FSIP2: variants seen among roughly 807,000 people sequenced by gnomAD.
FSIP2 encodes fibrous sheath interacting protein 2, also known as fibrous sheath-interacting protein 2.
FSIP2 carries 367 observed loss-of-function variants against 510.5 expected under a neutral mutation model. The observed-to-expected ratio is 0.72, with a 90% CI of 0.66 to 0.78. FSIP2 has a LOEUF of 0.78. FSIP2 is among the 30% of genes least tolerant of loss of function. The pLI is 0.00. For missense variants in FSIP2, 7,594 were observed against 7,901.7 expected, an observed-to-expected ratio of 0.96 and a Z score of 1.48; for synonymous variants, 2,601 against 2,732.2, an observed-to-expected ratio of 0.95 and a Z score of 1.50.
At position 185,795,903 on chromosome 2, in the gene FSIP2, A is replaced by T. The variant is rs1559029564; in HGVS notation, c.8767A>T (p.Met2923Leu). 6.5e-7 allele frequency: 1 copy of T among 1,533,832 alleles called. No homozygotes were observed. The change falls in exon 16 of 23, where the codon ATG becomes TTG. Residue 2923 changes from methionine to leucine, a missense_variant. Coordinates refer to ENST00000424728, the MANE Select transcript of FSIP2 (RefSeq NM_173651.4). ...TATGTTTGGAAGGGAAATTGTTGAA[A>T]TGCTACTTGAAAAACTACAGCTATG... ...INMFGREIVEMLLEKLQLCFL... is the reference protein window; with the variant it reads ...INMFGREIVELLLEKLQLCFL...
Position 185,805,864 on chromosome 2 carries a change from G to A in FSIP2, c.16558G>A (p.Val5520Met). The A allele has an allele frequency of 2.5e-6, 4 of 1,608,718 alleles. No individual in the cohort carries two copies. The highest frequency in any genetic ancestry group is 3.4e-6 in the Non-Finnish European group (4 of 1,177,766). Residue 5520 changes from valine (V) to methionine (M), a missense_variant, in exon 17 of 23, where the codon GTG becomes ATG. Val to Met is a conservative substitution (Grantham distance 21). Transcript: ENST00000424728. ...LATGVTNKKE[V>M]DENKVGICTQ... ...TACAGGTGTGACAAATAAAAAGGAA[G>A]TGGATGAAAATAAAGTGGGAATTTG...
Position 185,806,955 on chromosome 2 carries a change from G to C in FSIP2, c.17649G>C (p.Lys5883Asn). 1 of 1,611,256 alleles carries C rather than the reference G, an allele frequency of 6.2e-7. No homozygotes were observed. The change falls in exon 17 of 23, where the codon AAG (lysine) becomes AAC (asparagine). Residue 5883 changes from lysine to asparagine, a missense_variant. Transcript: ENST00000424728. ...PTTDEAPSSI[K>N]IKSADKMPPM... is the part of the protein sequence containing the mutation. ...CAGATGAAGCACCATCCAGCATTAA[G>C]ATAAAATCTGCAGATAAAATGCCAC...
At chr2:185,752,022 T>C (rs556533354) in intron 7 of FSIP2, among the ~76,000 whole-genome samples, 5 of 151,466 alleles carry the variant, frequency 3.3e-5, no homozygotes, top group African/African-American at 1.2e-4. Context: ...AAATTTTTTA[T>C]GCTCTTCATT....
intron 12 of FSIP2, 81 bp from the exon 13 acceptor site, chr2:185,764,421 A>G (rs995398902): frequency 6.9e-6 from 5 of 721,042 alleles, no homozygotes; most frequent in African/African-American, 1.8e-5. Context: ...CTGTACTATA[A>G]ATATAGAAAT....
chr2:185,802,783 A>G lies in FSIP2; in HGVS notation c.13477A>G (p.Thr4493Ala). 1 of 1,520,080 alleles carries G rather than the reference A, an allele frequency of 6.6e-7. No individual in the cohort carries two copies. Among genetic ancestry groups the G allele is most frequent in the Non-Finnish European group, 8.8e-7 (1 of 1,140,546 alleles). The allele number at this position is 1,520,080 out of a possible 1,614,324, so 94.2% of individuals were successfully genotyped here. A position where few individuals can be genotyped will look rare whatever the true frequency, so the allele number is the denominator to read the frequency against. The change falls in exon 17 of 23, where the codon ACC becomes GCC. Residue 4493 changes from threonine to alanine, a missense_variant. Coordinates refer to ENST00000424728, the MANE Select transcript of FSIP2 (RefSeq NM_173651.4). The stretch of plus-strand genomic sequence containing the variant: ...ATCTAGCCTGGTTCTAAACAGAGAC[A>G]CCCAAAAAGATATATCAAGAGTGAA... The part of the protein sequence containing the change: ...SASSLVLNRD[T>A]QKDISRVNFN...
intron 17 of FSIP2, among the ~76,000 whole-genome samples, chr2:185,813,283 T>G (rs1430145994): frequency 6.6e-6 from 1 of 152,028 alleles, no homozygotes; most frequent in Non-Finnish European, 1.5e-5. Flanking sequence ...AAATTAATTA[T>G]GCTAAACCTT....
At chr2:185,797,780 C>G in intron 16 of FSIP2, 1 of 374,422 alleles carries the variant, frequency 2.7e-6, no homozygotes, top group Non-Finnish European at 4.9e-6. Context: ...CCTTGAACTC[C>G]TGGACTGAAG....
In FSIP2 at chr2:185,794,590, T is replaced by A. The variant is rs1693221946; in HGVS notation, c.7454T>A (p.Ile2485Asn). 2 of 1,531,882 alleles carry A rather than the reference T, an allele frequency of 1.3e-6. No homozygotes were observed. The highest frequency in any genetic ancestry group is 2.4e-5 in the South Asian group (2 of 83,362). 94.9% of individuals were successfully genotyped at this position (1,531,882 alleles called of 1,614,324 possible). A position where few individuals can be genotyped will look rare whatever the true frequency, so the allele number is the denominator to read the frequency against. The stretch of plus-strand genomic sequence containing the variant: ...AACAAAGAAAAAGGTGAACTGCTCA[T>A]TGCAGTGGAAGAACTTTTGAATAAG... ...SKNKEKGELLIAVEELLNKLY... is the reference protein window; with the variant it reads ...SKNKEKGELLNAVEELLNKLY... Residue 2485 changes from isoleucine to asparagine, a missense_variant, in exon 16 of 23, where the codon ATT (isoleucine) becomes AAT (asparagine). Ile to Asn is a moderately radical substitution (Grantham distance 149). Transcript: ENST00000424728.
At position 185,752,924 on chromosome 2, in the gene FSIP2, T is replaced by G. The variant is rs900589921; in HGVS notation, c.871-798T>G. On this transcript the variant is annotated intron_variant, in intron 7 of 22. Coordinates refer to ENST00000424728, the MANE Select transcript of FSIP2 (RefSeq NM_173651.4). ...ATCTTCTTATAAATATTATTTAGCT[T>G]TTTTGATGTAGATAATTTATTTGGA... is the stretch of plus-strand genomic sequence containing the variant. Among the ~76,000 whole-genome samples the G allele has an allele frequency of 3.3e-5, 5 of 151,524 alleles. No homozygotes were observed. In the South Asian group the frequency reaches 1.0e-3, roughly 31 times the overall value.
intron 13 of FSIP2, among the ~76,000 whole-genome samples, chr2:185,778,760 G>A (rs1178552753): frequency 6.6e-6 from 1 of 151,898 alleles, no homozygotes; most frequent in African/African-American, 2.4e-5. Flanking sequence ...AATCAAGACG[G>A]TGAATTGTGT....
chr2:185,747,236 C>A, intron 6 of FSIP2, 77 bp from the exon 7 acceptor site: 2 of 815,466 alleles, frequency 2.5e-6, no homozygotes, highest in South Asian at 1.6e-5. Flanking sequence ...GTTTAATATA[C>A]TTTTTGGTGG....
chr2:185,795,917 A>G lies in FSIP2; in HGVS notation c.8781A>G (p.Lys2927=), dbSNP rs1389645740. The G allele has an allele frequency of 2.6e-6, 4 of 1,534,248 alleles. No homozygotes were observed. The highest frequency in any genetic ancestry group is 3.5e-6 in the Non-Finnish European group (4 of 1,145,800). Residue 2927 remains lysine, a synonymous_variant, in exon 16 of 23, where the codon AAA becomes AAG. Coordinates refer to ENST00000424728, the MANE Select transcript of FSIP2 (RefSeq NM_173651.4). ...AAATTGTTGAAATGCTACTTGAAAAACTACAGCTATGCTTTCTGTCCCAAA... is the reference window on the plus strand; with the variant it reads ...AAATTGTTGAAATGCTACTTGAAAAGCTACAGCTATGCTTTCTGTCCCAAA... ...GREIVEMLLE[K]LQLCFLSQIP...
chr2:185,751,461 C>CTCTGTGTGTGTG lies in FSIP2; in HGVS notation c.871-2260_871-2259insCTGTGTGTGTGT, dbSNP rs368632994. On this transcript the variant is annotated intron_variant, in intron 7 of 22. Coordinates refer to ENST00000424728, the MANE Select transcript of FSIP2 (RefSeq NM_173651.4). ...AGACCAAATTTGGGTCTTTATTTTT[C>CTCTGTGTGTGTG]TGTGTGTGTGTGTGTGTGTGTGTGT... 5.4e-3 allele frequency among the ~76,000 whole-genome samples: 731 copies of CTCTGTGTGTGTG among 135,870 alleles called. 3 individuals are homozygous for CTCTGTGTGTGTG. Among genetic ancestry groups the CTCTGTGTGTGTG allele is most frequent in the Admixed American group, 7.3e-3 (96 of 13,226 alleles). The allele number at this position is 135,870 out of a possible 152,430, so 89.1% of individuals were successfully genotyped here. A position where few individuals can be genotyped will look rare whatever the true frequency, so the allele number is the denominator to read the frequency against.
intron 18 of FSIP2, 62 bp from the exon 19 acceptor site, chr2:185,815,309 A>G (rs1028482119): frequency 5.1e-6 from 4 of 784,352 alleles, no homozygotes; most frequent in African/African-American, 3.6e-5. Flanking sequence ...AAAAAATGCC[A>G]TAAGGTAAGA....
In FSIP2 at chr2:185,833,101, C is replaced by T. The variant is rs755898632; in HGVS notation, c.20599C>T (p.Pro6867Ser). Residue 6867 changes from proline to serine, a missense_variant, in exon 23 of 23, where the codon CCC (proline) becomes TCC (serine). Transcript: ENST00000424728. ...SKEVISETPK[P>S]DVSKQGSKML... ...TACTTTGTCCACAGAAACTCCCAAGCCCGATGTCTCCAAACAAGGATCTAA... is the reference window on the plus strand; with the variant it reads ...TACTTTGTCCACAGAAACTCCCAAGTCCGATGTCTCCAAACAAGGATCTAA... 8 of 1,610,016 alleles carry T rather than the reference C, an allele frequency of 5.0e-6. No homozygotes were observed. Among genetic ancestry groups the T allele is most frequent in the Admixed American group, 1.7e-5 (1 of 59,552 alleles).
chr2:185,779,482 A>G (rs762628447), intron 13 of FSIP2, among the ~76,000 whole-genome samples: 3 of 152,120 alleles, frequency 2.0e-5, no homozygotes, highest in Non-Finnish European at 4.4e-5. Context: ...AGATCTATCA[A>G]TCACTCAAAC....
chr2:185,738,539 G>A, upstream of FSIP2: 4 of 1,432,674 alleles, frequency 2.8e-6, no homozygotes, highest in South Asian at 2.6e-5. Context: ...AGGGCTCCTT[G>A]GAAGCCAGGG....
intron 17 of FSIP2, among the ~76,000 whole-genome samples, chr2:185,810,705 C>G (rs1303598551): frequency 6.6e-6 from 1 of 151,244 alleles, no homozygotes; most frequent in East Asian, 2.0e-4. Context: ...CAGTTCCACA[C>G]AGAGGCTGAA....
At chr2:185,773,106 T>C (rs532443902) in intron 13 of FSIP2, among the ~76,000 whole-genome samples, 7 of 152,140 alleles carry the variant, frequency 4.6e-5, no homozygotes, top group Admixed American at 3.9e-4. Flanking sequence ...AAGCAATCTA[T>C]CTGCCTCAGC....
Sources: gnomAD v4.1 joint callset for allele counts (sites outside exome capture counted in the v4.1 genomes callset) on GRCh38, gnomAD v4.1.1 for gene constraint, MANE v1.5 for transcripts, NCBI Gene and HGNC (gene_info 2026-07-23, HGNC 2026-07-21) for gene names.